The following HS2ST1 variants were observed in gnomAD, a reference collection of about 807,000 sequenced individuals.
HS2ST1 encodes the protein 2-O-sulfotransferase.
HS2ST1 carries 18 observed loss-of-function variants against 42.9 expected under a neutral mutation model. The ratio of observed to expected loss-of-function variants is 0.42; its 90% CI spans 0.29 to 0.62. The LOEUF (loss-of-function observed/expected upper bound fraction) is 0.62, where lower values mean the gene tolerates loss of function less well. Among genes scored for constraint, HS2ST1 ranks in the 20% least tolerant of loss-of-function variants. The pLI is 0.21. For missense variants in HS2ST1, 334 were observed against 433.8 expected, an observed-to-expected ratio of 0.77 and a Z score of 2.04; for synonymous variants, 146 against 152.9, an observed-to-expected ratio of 0.95 and a Z score of 0.33.
chr1:87,068,524 CT>C (rs1651313067), intron 1 of HS2ST1, among the ~76,000 whole-genome samples: 1 of 152,188 alleles, frequency 6.6e-6, no homozygotes, highest in East Asian at 1.9e-4. Context: ...ATGACTTCCT[CT>C]TTTCCTAATT....
At chr1:86,985,543 C>A (rs1345889391) in intron 1 of HS2ST1, among the ~76,000 whole-genome samples, 2 of 52,408 alleles carry the variant, frequency 3.8e-5, no homozygotes, top group African/African-American at 1.0e-4. Context: ...TATATATACA[C>A]ACATATATAT....
intron 3 of HS2ST1, among the ~76,000 whole-genome samples, chr1:87,086,568 A>T (rs1421497304): frequency 6.6e-6 from 1 of 152,136 alleles, no homozygotes; most frequent in Non-Finnish European, 1.5e-5. Context: ...AAACGAATGT[A>T]AGCCCCAAGA....
Position 86,915,077 on chromosome 1 carries a change from T to G in HS2ST1, c.41T>G (p.Leu14Arg), listed in dbSNP as rs1660112051. ...ATTATGATGCCGCCCAAGTTGCAGC[T>G]GCTGGCGGTGGTGGCCTTCGCGGTG... ...LRIMMPPKLQ[L>R]LAVVAFAVAM... Residue 14 changes from leucine to arginine, a missense_variant, in exon 1 of 7, where the codon CTG becomes CGG. Leu to Arg is a moderately radical substitution (Grantham distance 102). Coordinates refer to ENST00000370550, the MANE Select transcript of HS2ST1 (RefSeq NM_012262.4). 1 of 1,614,192 alleles carries G rather than the reference T, an allele frequency of 6.2e-7. No homozygotes were observed.
intron 2 of HS2ST1, among the ~76,000 whole-genome samples, chr1:87,074,148 T>C (rs1257843680): frequency 6.6e-6 from 1 of 152,234 alleles, no homozygotes; most frequent in Non-Finnish European, 1.5e-5. Flanking sequence ...GTATGTCATC[T>C]GCCCATGTAA....
intron 5 of HS2ST1, among the ~76,000 whole-genome samples, chr1:87,101,176 T>A (rs1394737899): frequency 7.7e-6 from 1 of 130,498 alleles, no homozygotes; most frequent in Non-Finnish European, 1.6e-5. Flanking sequence ...TTTTTTTTTT[T>A]TTTTTTTTTG....
At chr1:87,015,573 T>C (rs1041424945) in intron 1 of HS2ST1, among the ~76,000 whole-genome samples, 3 of 151,934 alleles carry the variant, frequency 2.0e-5, no homozygotes, top group African/African-American at 7.3e-5. Context: ...CTTGATTTCC[T>C]GACCTCGTGA....
At chr1:86,965,349 C>CTT (rs926642410) in intron 1 of HS2ST1, among the ~76,000 whole-genome samples, 4 of 152,102 alleles carry the variant, frequency 2.6e-5, no homozygotes, top group African/African-American at 9.7e-5. Flanking sequence ...CCTCGGTGGG[C>CTT]TTTTCCCCCC....
intron 1 of HS2ST1, among the ~76,000 whole-genome samples, chr1:87,049,368 G>A (rs568617299): frequency 1.3e-5 from 2 of 151,788 alleles, no homozygotes; most frequent in African/African-American, 4.8e-5. Flanking sequence ...TGTGGTTTAG[G>A]TCACTGGTGT....
At chr1:86,931,139 T>C (rs1660531854) in intron 1 of HS2ST1, among the ~76,000 whole-genome samples, 1 of 152,100 alleles carries the variant, frequency 6.6e-6, no homozygotes, top group Admixed American at 6.5e-5. Flanking sequence ...GTTTTGACTA[T>C]GTACATGACG....
At chr1:87,062,648 C>T (rs1651145149) in intron 1 of HS2ST1, among the ~76,000 whole-genome samples, 1 of 152,032 alleles carries the variant, frequency 6.6e-6, no homozygotes, top group Non-Finnish European at 1.5e-5. Context: ...TTTGTTCTTT[C>T]TGATGTTTTA....
chr1:87,009,135 CAGA>C lies in HS2ST1; in HGVS notation c.125-63796_125-63794del, dbSNP rs373866923. ...AGGCATGAGCCACCCCATACTGGCC[CAGA>C]AGGAGTTTGAAATTAGAAAATTACT... is the stretch of plus-strand genomic sequence containing the variant. On this transcript the variant is annotated intron_variant, in intron 1 of 6. Coordinates refer to ENST00000370550, the MANE Select transcript of HS2ST1 (RefSeq NM_012262.4). Among the ~76,000 whole-genome samples, 247 of 152,338 alleles carry C rather than the reference CAGA, an allele frequency of 1.6e-3. 1 individual carries two copies. Among genetic ancestry groups the C allele is most frequent in the African/African-American group, 5.6e-3 (231 of 41,576 alleles).
intron 1 of HS2ST1, among the ~76,000 whole-genome samples, chr1:87,056,708 T>C (rs1022920214): frequency 3.7e-4 from 57 of 152,202 alleles, no homozygotes; most frequent in African/African-American, 1.3e-3. Context: ...TTTTAAATTG[T>C]ATAATTTTTA....
rs1021078412 is a variant in HS2ST1, at chr1:87,109,425, C to G, written c.*4729C>G. ...AATAAAATTTCAGATGGAAAACTTA[C>G]AAAATATATACTTAATTAGAAGAAA... On this transcript the variant is annotated 3_prime_UTR_variant, in exon 7 of 7. Coordinates refer to ENST00000370550, the MANE Select transcript of HS2ST1 (RefSeq NM_012262.4). 2.0e-5 allele frequency: 3 copies of G among 151,762 alleles called. No individual in the cohort carries two copies. The highest frequency in any genetic ancestry group is 2.9e-5 in the Non-Finnish European group (2 of 67,906). 9.4% of individuals were successfully genotyped at this position (151,762 alleles called of 1,614,324 possible). A position where few individuals can be genotyped will look rare whatever the true frequency, so the allele number is the denominator to read the frequency against.
intron 1 of HS2ST1, among the ~76,000 whole-genome samples, chr1:86,918,195 T>G (rs1660206236): frequency 6.6e-6 from 1 of 152,124 alleles, no homozygotes; most frequent in Non-Finnish European, 1.5e-5. Context: ...CTTGGGAAAT[T>G]CACTAATTAG....
intron 1 of HS2ST1, among the ~76,000 whole-genome samples, chr1:86,978,404 G>T (rs1330414860): frequency 6.6e-6 from 1 of 152,152 alleles, no homozygotes; most frequent in African/African-American, 2.4e-5. Flanking sequence ...TCTCTGCTAG[G>T]TAAGTTTTAC....
chr1:87,085,312 TA>T (rs1651794914), intron 3 of HS2ST1, among the ~76,000 whole-genome samples: 1 of 152,152 alleles, frequency 6.6e-6, no homozygotes, highest in South Asian at 2.1e-4. Context: ...GCATTTTTTA[TA>T]AAATTTAAAA....
rs775152945 is a variant in HS2ST1, at chr1:87,105,803, G to C, written c.*1107G>C. 2 of 152,458 alleles carry C rather than the reference G, an allele frequency of 1.3e-5. No individual in the cohort carries two copies. The highest frequency in any genetic ancestry group is 2.9e-5 in the Non-Finnish European group (2 of 67,940). The allele number at this position is 152,458 out of a possible 1,614,324, so 9.4% of individuals were successfully genotyped here. A position where few individuals can be genotyped will look rare whatever the true frequency, so the allele number is the denominator to read the frequency against. On this transcript the variant is annotated 3_prime_UTR_variant, in exon 7 of 7. Transcript: ENST00000370550. Reference sequence around the variant, plus strand: ...TTTACTGTTAAGACATCACTGAAATGAACTTCAGTAAGCTTTCAATTTTGA... The same window carrying C: ...TTTACTGTTAAGACATCACTGAAATCAACTTCAGTAAGCTTTCAATTTTGA...
At chr1:87,044,360 A>G (rs1220299996) in intron 1 of HS2ST1, among the ~76,000 whole-genome samples, 2 of 152,166 alleles carry the variant, frequency 1.3e-5, no homozygotes, top group Admixed American at 1.3e-4. Context: ...TGAAACTATA[A>G]CAATACACAA....
intron 1 of HS2ST1, among the ~76,000 whole-genome samples, chr1:87,010,956 T>C (rs1356855491): frequency 2.0e-5 from 3 of 152,058 alleles, no homozygotes; most frequent in Admixed American, 1.3e-4. Flanking sequence ...CAGCTAACTT[T>C]TGTATTTTTA....
Sources: allele counts gnomAD v4.1 joint callset (sites outside exome capture counted in the v4.1 genomes callset), GRCh38; gene constraint gnomAD v4.1.1; transcripts MANE v1.5; gene names NCBI Gene and HGNC (gene_info 2026-07-23, HGNC 2026-07-21).